Variants in CPEB3 observed in about 807,000 individuals in gnomAD.
CPEB3 encodes cytoplasmic polyadenylation element-binding protein 3.
In CPEB3, 20 loss-of-function variants were observed where a neutral mutation model predicts 67.2. That is an observed-to-expected ratio of 0.30 (90% CI 0.21 to 0.43). The LOEUF is 0.43. CPEB3 is among the 20% of genes least tolerant of loss of function. The probability of loss-of-function intolerance (pLI) is 1.00; values close to 1 mark genes in which losing one functional copy is unlikely to be tolerated. For synonymous variants in CPEB3, 376 were observed against 393.1 expected (o/e 0.96, Z 0.51); for missense variants, 746 against 968.6 (o/e 0.77, Z 3.05).
rs74467857 is a variant in CPEB3 at position 92,065,555 on chromosome 10, C to T, written c.1870-13116G>A. 3.8e-3 allele frequency among the ~76,000 whole-genome samples: 571 copies of T among 152,116 alleles called. 3 individuals are homozygous for T. The highest frequency in any genetic ancestry group is 0.013 in the African/African-American group (544 of 41,496). On this transcript the variant is annotated intron_variant, in intron 9 of 9. Coordinates refer to ENST00000265997, the MANE Select transcript of CPEB3 (RefSeq NM_014912.5). ...TTCTAAAATGAGTATTATTTCTGAC[C>T]GATAGAGGAAAATTTCAACCCCAGG...
In CPEB3 at chr10:92,144,904, C is replaced by A. The variant is rs200678311; in HGVS notation, c.1363+41G>T. 851 of 1,597,870 alleles carry A rather than the reference C, an allele frequency of 5.3e-4. 5 individuals carry two copies. Among genetic ancestry groups the A allele is most frequent in the Middle Eastern group, 1.7e-4 (1 of 5,964 alleles). The stretch of plus-strand genomic sequence containing the variant: ...AGGCAGGGTCAGAACACACAAATAA[C>A]AAACTCAGCCTTTGCAAAATCATTA... On this transcript the variant is annotated intron_variant, in intron 5 of 9. Transcript: ENST00000265997.
intron 5 of CPEB3, among the ~76,000 whole-genome samples, chr10:92,144,192 T>TTCC (rs1227486193): frequency 6.6e-6 from 1 of 152,234 alleles, no homozygotes; most frequent in Non-Finnish European, 1.5e-5. Flanking sequence ...ATCTCAAAAC[T>TTCC]ATTATTAAGA....
intron 3 of CPEB3, among the ~76,000 whole-genome samples, chr10:92,189,734 G>C (rs865852369): frequency 1.7e-5 from 2 of 117,344 alleles, no homozygotes; most frequent in Admixed American, 1.1e-4. Flanking sequence ...TTGAGACAGA[G>C]TCTCTCGCTC....
intron 1 of CPEB3, among the ~76,000 whole-genome samples, chr10:92,270,731 T>C (rs1252266267): frequency 4.5e-5 from 4 of 88,208 alleles, no homozygotes; most frequent in Non-Finnish European, 8.3e-5. Flanking sequence ...CCCAGCTAAT[T>C]TCTGGGGTGC....
chr10:92,131,100 C>A (rs1038292511), intron 6 of CPEB3, among the ~76,000 whole-genome samples: 1 of 152,146 alleles, frequency 6.6e-6, no homozygotes, highest in African/African-American at 2.4e-5. Context: ...CAACAGGAGC[C>A]AATAGTCTAA....
intron 3 of CPEB3, among the ~76,000 whole-genome samples, chr10:92,190,102 A>AC (rs1429055076): frequency 1.3e-5 from 2 of 151,866 alleles, no homozygotes; most frequent in African/African-American, 4.8e-5. Context: ...ACATGGTGAC[A>AC]CCCCGTCTCT....
chr10:92,215,524 C>A (rs1315359486), intron 2 of CPEB3, among the ~76,000 whole-genome samples: 1 of 134,188 alleles, frequency 7.5e-6, no homozygotes, highest in African/African-American at 2.8e-5. Flanking sequence ...TCACTGCAAC[C>A]TCCACCTCCC....
chr10:92,068,670 T>C (rs1417549635), intron 9 of CPEB3, among the ~76,000 whole-genome samples: 1 of 152,150 alleles, frequency 6.6e-6, no homozygotes, highest in Non-Finnish European at 1.5e-5. Context: ...AGAGTTTTCA[T>C]ATTAAAAATG....
intron 3 of CPEB3, among the ~76,000 whole-genome samples, chr10:92,182,565 C>A (rs1244862194): frequency 6.6e-6 from 1 of 152,082 alleles, no homozygotes; most frequent in Non-Finnish European, 1.5e-5. Context: ...GTGGTTCATG[C>A]CTATAATCCC....
chr10:92,240,480 T>C (rs1851794559), intron 1 of CPEB3, 119 bp from the exon 2 acceptor site: 1 of 949,108 alleles, frequency 1.1e-6, no homozygotes, highest in East Asian at 3.0e-5. Flanking sequence ...CCAATTGCAA[T>C]GCAAATCCAT....
intron 6 of CPEB3, among the ~76,000 whole-genome samples, chr10:92,126,453 TAAA>T (rs1472372843): frequency 6.6e-6 from 1 of 152,156 alleles, no homozygotes; most frequent in Non-Finnish European, 1.5e-5. Context: ...AAGTTATGGC[TAAA>T]GGGCAGCTCA....
intron 1 of CPEB3, among the ~76,000 whole-genome samples, chr10:92,278,427 T>C (rs1842094671): frequency 6.6e-6 from 1 of 152,156 alleles, no homozygotes; most frequent in African/African-American, 2.4e-5. Flanking sequence ...TTTCAGATGT[T>C]ATATACTTCT....
At chr10:92,230,650 C>A (rs1294881206) in intron 2 of CPEB3, among the ~76,000 whole-genome samples, 1 of 152,072 alleles carries the variant, frequency 6.6e-6, no homozygotes, top group Non-Finnish European at 1.5e-5. Context: ...CCCAGCACCA[C>A]AAAGAACACT....
intron 6 of CPEB3, among the ~76,000 whole-genome samples, chr10:92,112,651 A>G (rs1272247756): frequency 6.6e-6 from 1 of 152,232 alleles, no homozygotes; most frequent in Non-Finnish European, 1.5e-5. Context: ...TTGTGGCCAC[A>G]CTGGCATTCA....
At position 92,048,381 on chromosome 10, in the gene CPEB3, T is replaced by A. The variant is rs1001317250; in HGVS notation, c.*3831A>T. ...CAGTTTTTCTCTCTCTCTCTCTCTC[T>A]CTCTCTCACACACACACACACACAC... On this transcript the variant is annotated 3_prime_UTR_variant, in exon 10 of 10. Coordinates refer to ENST00000265997, the MANE Select transcript of CPEB3 (RefSeq NM_014912.5). This position sits in a 1 kb window ranked among gnomAD's most constrained non-coding sequence, Gnocchi z 4.1. 1,252 of 18,064 alleles carry A rather than the reference T, an allele frequency of 0.069. 11 individuals are homozygous for A. Among genetic ancestry groups the A allele is most frequent in the East Asian group, 0.16 (106 of 664 alleles). 1.1% of individuals were successfully genotyped at this position (18,064 alleles called of 1,614,324 possible).
Position 92,049,017 on chromosome 10 carries a change from A to G in CPEB3, c.*3195T>C, listed in dbSNP as rs528093199. 1.5e-4 allele frequency: 23 copies of G among 152,616 alleles called. No homozygotes were observed. Among genetic ancestry groups the G allele is most frequent in the Non-Finnish European group, 3.1e-4 (21 of 68,032 alleles). 9.5% of individuals were successfully genotyped at this position (152,616 alleles called of 1,614,324 possible). The stretch of plus-strand genomic sequence containing the variant: ...AATGAAAAATATGTAAATATGTTTA[A>G]TTTTTTTCTTAGCAAAAAATCTTTC... On this transcript the variant is annotated 3_prime_UTR_variant, in exon 10 of 10. Transcript: ENST00000265997.
chr10:92,091,793 T>G (rs559922936), intron 8 of CPEB3, 37 bp downstream of exon 8: 22 of 1,268,910 alleles, frequency 1.7e-5, no homozygotes, highest in Non-Finnish European at 2.2e-5. Flanking sequence ...TTTGTTGTTG[T>G]TGGTTTTGTT....
intron 8 of CPEB3, among the ~76,000 whole-genome samples, chr10:92,089,300 G>A (rs1302794368): frequency 1.1e-4 from 17 of 152,078 alleles, no homozygotes. Context: ...CTCTAAACTA[G>A]AAGTCTTGGG....
At chr10:92,193,020 T>C (rs1849058070) in intron 2 of CPEB3, among the ~76,000 whole-genome samples, 1 of 152,186 alleles carries the variant, frequency 6.6e-6, no homozygotes, top group Admixed American at 6.5e-5. Flanking sequence ...GAGACCAGCC[T>C]GGCCAACAGG....
Sources: gnomAD v4.1 joint callset for allele counts (sites outside exome capture counted in the v4.1 genomes callset) on GRCh38, gnomAD v4.1.1 for gene constraint, Gnocchi (gnomAD v3.1) non-coding constraint, MANE v1.5 for transcripts, NCBI Gene and HGNC (gene_info 2026-07-23, HGNC 2026-07-21) for gene names.